Variants in MMEL1 observed in about 807,000 individuals in gnomAD.
MMEL1 encodes membrane metalloendopeptidase like 1.
A neutral mutation model predicts 117.1 loss-of-function variants in MMEL1; 98 were observed. The observed-to-expected ratio is 0.84, with a 90% CI of 0.71 to 0.99. The LOEUF (loss-of-function observed/expected upper bound fraction) is 0.99. Ranked by LOEUF, MMEL1 falls within the 50% of genes least tolerant of loss-of-function variation. The pLI is 0.00. For synonymous variants in MMEL1, 390 were observed against 415.1 expected, an observed-to-expected ratio of 0.94 and a Z score of 0.74; for missense variants, 1,014 against 1,049.1, an observed-to-expected ratio of 0.97 and a Z score of 0.46.
chr1:2,592,149 A>C, intron 21 of MMEL1, 122 bp from the exon 22 acceptor site: 4 of 760,020 alleles, frequency 5.3e-6, no homozygotes, highest in South Asian at 1.7e-5. Flanking sequence ...CTGCTGCTGC[A>C]AGGGCCCTTC....
At position 2,596,049 on chromosome 1, in the gene MMEL1, C is replaced by A; in HGVS notation, c.1460G>T (p.Gly487Val). The change falls in exon 15 of 24, where the codon GGC becomes GTC. Residue 487 changes from glycine to valine, a missense_variant. Coordinates refer to ENST00000378412, the MANE Select transcript of MMEL1 (RefSeq NM_033467.4). The part of the protein sequence containing the change: ...TVFVETLDEL[G>V]WMDEESKKKA... Reference sequence around the variant, plus strand: ...CTTCTTGGACTCCTCGTCCATCCAGCCCAGCTCGTCCAGCGTCTCCACAAA... The same window carrying A: ...CTTCTTGGACTCCTCGTCCATCCAGACCAGCTCGTCCAGCGTCTCCACAAA... The A allele has an allele frequency of 6.2e-7, 1 of 1,614,054 alleles. No homozygotes were observed. Among genetic ancestry groups the A allele is most frequent in the Non-Finnish European group, 8.5e-7 (1 of 1,179,972 alleles).
chr1:2,621,190 T>C (rs1645284228), intron 2 of MMEL1, among the ~76,000 whole-genome samples: 1 of 151,914 alleles, frequency 6.6e-6, no homozygotes, highest in Non-Finnish European at 1.5e-5. Flanking sequence ...GAGGCTGAGG[T>C]GGGAGGATCA....
chr1:2,622,440 GA>G (rs1645303590), intron 2 of MMEL1, among the ~76,000 whole-genome samples: 1 of 152,048 alleles, frequency 6.6e-6, no homozygotes, highest in Non-Finnish European at 1.5e-5. Flanking sequence ...ATGTATTTCA[GA>G]AAAAAGAAAA....
intron 7 of MMEL1, 32 bp from the exon 8 acceptor site, chr1:2,606,398 GCGGGCCC>G: frequency 6.3e-7 from 1 of 1,577,736 alleles, no homozygotes; most frequent in Non-Finnish European, 8.7e-7. Context: ...CTGGAGACTG[GCGGGCCC>G]TGGGGCCCCA....
At chr1:2,611,171 C>G in intron 4 of MMEL1, 110 bp downstream of exon 4, 3 of 1,119,264 alleles carry the variant, frequency 2.7e-6, no homozygotes, top group Non-Finnish European at 3.8e-6. Flanking sequence ...CTCCACCGCC[C>G]GCCGTGTCTT....
chr1:2,591,945 A>G lies in MMEL1; in HGVS notation c.2150T>C (p.Ile717Thr). 6.2e-7 allele frequency: 1 copy of G among 1,613,354 alleles called. No homozygotes were observed. The highest frequency in any genetic ancestry group is 8.5e-7 in the Non-Finnish European group (1 of 1,179,790). Residue 717 changes from isoleucine to threonine, a missense_variant, in exon 22 of 24, where the codon ATC becomes ACC. Physicochemically the swap from Ile to Thr is moderately conservative, Grantham distance 89. Transcript: ENST00000378412. ...LDLTHEQLFF[I>T]NYAQVWCGSY... is the part of the protein sequence containing the mutation. ...TGCGGCTGCCACCTGGGCATAGTTG[A>G]TGAAGAAGAGCTGCTCATGGGTGAG...
At chr1:2,620,407 A>G (rs1014388558) in intron 2 of MMEL1, among the ~76,000 whole-genome samples, 17 of 152,168 alleles carry the variant, frequency 1.1e-4, no homozygotes, top group Admixed American at 2.6e-4. Context: ...CTGATAGATT[A>G]TTTTCAAGCA....
rs78457265 is a variant in MMEL1, at chr1:2,601,786, T to C, written c.1041+2098A>G. On this transcript the variant is annotated intron_variant, in intron 11 of 23. Coordinates refer to ENST00000378412, the MANE Select transcript of MMEL1 (RefSeq NM_033467.4). Reference sequence around the variant, plus strand: ...CACAAAAGGGAATGGCATTGGCCAATTGACAGGAGATGGCGTTTAACCTCC... The same window carrying C: ...CACAAAAGGGAATGGCATTGGCCAACTGACAGGAGATGGCGTTTAACCTCC... Among the ~76,000 whole-genome samples, 15 of 152,310 alleles carry C rather than the reference T, an allele frequency of 9.8e-5. No individual in the cohort carries two copies. In the East Asian group the frequency reaches 2.9e-3, roughly 29 times the overall value.
In MMEL1 at chr1:2,590,894, G is replaced by C; in HGVS notation, c.*96C>G. The C allele has an allele frequency of 1.0e-6, 1 of 995,908 alleles. No individual in the cohort carries two copies. Among genetic ancestry groups the C allele is most frequent in the Non-Finnish European group, 1.3e-6 (1 of 740,956 alleles). The allele number at this position is 995,908 out of a possible 1,614,324, so 61.7% of individuals were successfully genotyped here. A position where few individuals can be genotyped will look rare whatever the true frequency, so the allele number is the denominator to read the frequency against. Reference sequence around the variant, plus strand: ...AGGCAGGCTTGGCATGGTTGGCCGGGGCGGGACGTACACTGGGTCGCCGCT... The same window carrying C: ...AGGCAGGCTTGGCATGGTTGGCCGGCGCGGGACGTACACTGGGTCGCCGCT... On this transcript the variant is annotated 3_prime_UTR_variant, in exon 24 of 24. Transcript: ENST00000378412.
rs1362924108 is a variant in MMEL1 at position 2,611,320 on chromosome 1, C to G, written c.253G>C (p.Val85Leu). The G allele has an allele frequency of 6.4e-6, 10 of 1,552,330 alleles. No individual in the cohort carries two copies. The highest frequency in any genetic ancestry group is 8.7e-6 in the Non-Finnish European group (10 of 1,150,810). ...KPRGIPEAQE[V>L]SEVCTTPGCV... is the part of the protein sequence containing the mutation. ...CCAGGGGTGGTGCAGACCTCGCTCA[C>G]CTCTTGGGCCTCTGGGATCCCTGCG... The change falls in exon 4 of 24, where the codon GTG (valine) becomes CTG (leucine). Residue 85 changes from valine to leucine, a missense_variant. By Grantham distance (32) the Val-to-Leu change is conservative. Coordinates refer to ENST00000378412, the MANE Select transcript of MMEL1 (RefSeq NM_033467.4).
At chr1:2,630,882 G>C (rs1638540313) in intron 1 of MMEL1, among the ~76,000 whole-genome samples, 1 of 147,530 alleles carries the variant, frequency 6.8e-6, no homozygotes, top group African/African-American at 2.5e-5. Context: ...GCATGTGTGT[G>C]ACTGTGCATT....
rs1417236122 is a variant in MMEL1, at chr1:2,604,270, G to A, written c.828C>T (p.Ala276=). ...NGGSNRKVRE[A]YLQFMVSVAT... ...CCACTGACACCATGAACTGCAGGTAGGCTTCCCGCACCTGGGCCAAAGGAC... is the reference window on the plus strand; with the variant it reads ...CCACTGACACCATGAACTGCAGGTAAGCTTCCCGCACCTGGGCCAAAGGAC... The change falls in exon 10 of 24, where the codon GCC becomes GCT. Residue 276 remains alanine, a synonymous_variant. Coordinates refer to ENST00000378412, the MANE Select transcript of MMEL1 (RefSeq NM_033467.4). 6.2e-7 allele frequency: 1 copy of A among 1,612,806 alleles called. No homozygotes were observed.
intron 11 of MMEL1, among the ~76,000 whole-genome samples, chr1:2,600,469 C>T (rs931557094): frequency 1.3e-5 from 2 of 151,780 alleles, no homozygotes; most frequent in Non-Finnish European, 2.9e-5. Context: ...GAGGCCAGGG[C>T]GGGAGGACTG....
At chr1:2,625,955 C>T (rs1444571566) in intron 2 of MMEL1, among the ~76,000 whole-genome samples, 4 of 152,072 alleles carry the variant, frequency 2.6e-5, no homozygotes, top group Non-Finnish European at 4.4e-5. Flanking sequence ...AGACTAGGGC[C>T]TGATTCACAG....
Position 2,591,574 on chromosome 1 carries a change from G to A in MMEL1, c.2223C>T (p.His741=). 3 of 1,613,862 alleles carry A rather than the reference G, an allele frequency of 1.9e-6. No homozygotes were observed. Among genetic ancestry groups the A allele is most frequent in the Non-Finnish European group, 2.5e-6 (3 of 1,179,920 alleles). The change falls in exon 23 of 24, where the codon CAC becomes CAT. Residue 741 remains histidine, a synonymous_variant. Transcript: ENST00000378412. The stretch of plus-strand genomic sequence containing the variant: ...AGACTTGCCTGTACTTCAGGGGACT[G>A]TGGACGTCTGTCTTGATGGATTGGA... ...FAIQSIKTDV[H]SPLKYRVLGS...
intron 9 of MMEL1, among the ~76,000 whole-genome samples, chr1:2,605,089 C>T (rs1381629584): frequency 2.0e-5 from 3 of 152,182 alleles, no homozygotes; most frequent in East Asian, 3.9e-4. Flanking sequence ...CCCTGTCCTT[C>T]CCCACCCTTC....
chr1:2,608,185 T>C (rs938694571), intron 6 of MMEL1, among the ~76,000 whole-genome samples: 1 of 152,036 alleles, frequency 6.6e-6, no homozygotes, highest in Non-Finnish European at 1.5e-5. Flanking sequence ...AGACGCCCCC[T>C]AAAGCCAGGG....
In MMEL1 at chr1:2,590,867, G is replaced by A; in HGVS notation, c.*123C>T. ...ACCCTAGGCCAGGCGCAGAGGCCTG[G>A]CAGGCAGGCTTGGCATGGTTGGCCG... is the stretch of plus-strand genomic sequence containing the variant. On this transcript the variant is annotated 3_prime_UTR_variant, in exon 24 of 24. Transcript: ENST00000378412. The A allele has an allele frequency of 1.4e-6, 1 of 723,636 alleles. No homozygotes were observed. Among genetic ancestry groups the A allele is most frequent in the Non-Finnish European group, 2.0e-6 (1 of 495,034 alleles). 44.8% of individuals were successfully genotyped at this position (723,636 alleles called of 1,614,324 possible). A position where few individuals can be genotyped will look rare whatever the true frequency, so the allele number is the denominator to read the frequency against.
intron 2 of MMEL1, among the ~76,000 whole-genome samples, chr1:2,623,336 C>T (rs1280763892): frequency 6.6e-6 from 1 of 152,108 alleles, no homozygotes; most frequent in African/African-American, 2.4e-5. Context: ...TAGAGAAGTT[C>T]TGCTTTTTGC....
Sources: allele counts gnomAD v4.1 joint callset (sites outside exome capture counted in the v4.1 genomes callset), GRCh38; gene constraint gnomAD v4.1.1; transcripts MANE v1.5; gene names NCBI Gene and HGNC (gene_info 2026-07-23, HGNC 2026-07-21).